RNF111: variants seen among roughly 807,000 people sequenced by gnomAD.
The protein encoded by RNF111 is E3 ubiquitin-protein ligase Arkadia.
RNF111 carries 17 observed loss-of-function variants against 95.1 expected under a neutral mutation model. The ratio of observed to expected loss-of-function variants is 0.18; its 90% CI spans 0.12 to 0.27. The LOEUF (loss-of-function observed/expected upper bound fraction) is 0.27, where lower values mean the gene tolerates loss of function less well. Among genes scored for constraint, RNF111 ranks in the 10% least tolerant of loss-of-function variants. RNF111 has a pLI of 1.00. For missense variants in RNF111, 1,189 were observed against 1,210.4 expected (o/e 0.98, Z 0.26); for synonymous variants, 440 against 414.8 (o/e 1.06, Z -0.74).
At chr15:58,999,487 C>T (rs2039231597) in intron 1 of RNF111, among the ~76,000 whole-genome samples, 1 of 151,904 alleles carries the variant, frequency 6.6e-6, no homozygotes, top group Admixed American at 6.6e-5. Context: ...AGGCATGCAC[C>T]ATCACACCCG....
At chr15:59,040,087 C>A (rs1025749543) in intron 2 of RNF111, among the ~76,000 whole-genome samples, 7 of 151,870 alleles carry the variant, frequency 4.6e-5, no homozygotes, top group Admixed American at 3.9e-4. Context: ...TGCTGGGTTG[C>A]CAATGCTTTT....
At chr15:59,074,462 C>T (rs1246647171) in intron 6 of RNF111, among the ~76,000 whole-genome samples, 1 of 152,232 alleles carries the variant, frequency 6.6e-6, no homozygotes, top group African/African-American at 2.4e-5. Context: ...CTTGCTGCTT[C>T]TCCTTGCACT....
At chr15:59,043,058 G>A (rs561800149) in intron 2 of RNF111, among the ~76,000 whole-genome samples, 1 of 151,744 alleles carries the variant, frequency 6.6e-6, no homozygotes, top group African/African-American at 2.4e-5. Context: ...TGCAGAGAGC[G>A]TTTTATGTTC....
chr15:59,033,811 C>T (rs985809026), intron 2 of RNF111, among the ~76,000 whole-genome samples: 3 of 151,896 alleles, frequency 2.0e-5, no homozygotes, highest in East Asian at 1.9e-4. Context: ...GGCAGAATTA[C>T]GTTATTTTTA....
At chr15:59,071,730 C>G (rs1283297522) in intron 6 of RNF111, among the ~76,000 whole-genome samples, 1 of 151,792 alleles carries the variant, frequency 6.6e-6, no homozygotes, top group Non-Finnish European at 1.5e-5. Flanking sequence ...GAAAATATTA[C>G]TGATGAGTGG....
chr15:59,080,869 G>A (rs1596297396), intron 7 of RNF111, 67 bp from the exon 8 acceptor site: 3 of 1,202,706 alleles, frequency 2.5e-6, no homozygotes, highest in African/African-American at 3.0e-5. Context: ...CACTAGGAAT[G>A]TATAATAGCA....
At chr15:59,066,678 C>T (rs1042197699) in intron 5 of RNF111, 86 bp from the exon 6 acceptor site, 3 of 1,027,872 alleles carry the variant, frequency 2.9e-6, no homozygotes, top group African/African-American at 1.6e-5. Context: ...TTTCTTTAAA[C>T]ATTTATTATT....
At chr15:58,994,914 A>G (rs1295639203) in intron 1 of RNF111, among the ~76,000 whole-genome samples, 1 of 152,234 alleles carries the variant, frequency 6.6e-6, no homozygotes, top group Non-Finnish European at 1.5e-5. Flanking sequence ...AGAAAATTAA[A>G]CTTTGATAAT....
At chr15:59,029,155 T>C (rs527594483) in intron 1 of RNF111, among the ~76,000 whole-genome samples, 1 of 152,300 alleles carries the variant, frequency 6.6e-6, no homozygotes, top group African/African-American at 2.4e-5. Flanking sequence ...ATCAGCAATA[T>C]ATGAGGGTTC....
At chr15:59,019,288 G>A (rs1226411054) in intron 1 of RNF111, among the ~76,000 whole-genome samples, 1 of 151,932 alleles carries the variant, frequency 6.6e-6, no homozygotes, top group African/African-American at 2.4e-5. Context: ...AAAATAATGA[G>A]AAAATGCAAA....
At chr15:59,000,121 T>C (rs984591437) in intron 1 of RNF111, among the ~76,000 whole-genome samples, 4 of 151,560 alleles carry the variant, frequency 2.6e-5, no homozygotes, top group Non-Finnish European at 4.4e-5. Context: ...ATAACCCATA[T>C]AATAAAAGCT....
chr15:59,019,357 G>T (rs553377605), intron 1 of RNF111, among the ~76,000 whole-genome samples: 6 of 152,164 alleles, frequency 3.9e-5, no homozygotes, highest in Non-Finnish European at 8.8e-5. Flanking sequence ...AAAAAATACA[G>T]TGTTTTTAAA....
At chr15:59,071,397 G>A (rs1345994255) in intron 6 of RNF111, among the ~76,000 whole-genome samples, 2 of 151,912 alleles carry the variant, frequency 1.3e-5, no homozygotes, top group Non-Finnish European at 2.9e-5. Context: ...AGATGCTTTT[G>A]GAAGGCAGTG....
Position 59,084,148 on chromosome 15 carries a change from C to T in RNF111, c.2317C>T (p.Pro773Ser). The change falls in exon 9 of 14, where the codon CCA becomes TCA. Residue 773 changes from proline (P) to serine (S), a missense_variant. Physicochemically the swap from Pro to Ser is moderately conservative, Grantham distance 74. Transcript: ENST00000348370. Reference sequence around the variant, plus strand: ...TTCCAGGCGGGCACATGAACGCCCCCCACCCCATCCACATAGGATGCACCC... The same window carrying T: ...TTCCAGGCGGGCACATGAACGCCCCTCACCCCATCCACATAGGATGCACCC... ...QHPTRAHERP[P>S]PHPHRMHPNY... 1 of 1,607,782 alleles carries T rather than the reference C, an allele frequency of 6.2e-7. No individual in the cohort carries two copies. Among genetic ancestry groups the T allele is most frequent in the Non-Finnish European group, 8.5e-7 (1 of 1,177,166 alleles).
intron 2 of RNF111, chr15:59,050,166 G>A (rs7171252): frequency 0.024 from 3,632 of 152,132 alleles, 50 homozygotes; most frequent in African/African-American, 0.038. Context: ...CTGAGTTCCA[G>A]CGATTTTCCT....
intron 1 of RNF111, among the ~76,000 whole-genome samples, chr15:59,004,363 G>A (rs1193970561): frequency 6.6e-6 from 1 of 152,172 alleles, no homozygotes; most frequent in Non-Finnish European, 1.5e-5. Context: ...AGGTAAATGT[G>A]TGTAGATGAG....
At chr15:59,056,056 A>G (rs542505850) in intron 4 of RNF111, among the ~76,000 whole-genome samples, 1 of 152,072 alleles carries the variant, frequency 6.6e-6, no homozygotes, top group Non-Finnish European at 1.5e-5. Flanking sequence ...CTTGATAGCT[A>G]TTTTCTCAGG....
Position 59,031,471 on chromosome 15 carries a change from G to C in RNF111, c.649G>C (p.Val217Leu), listed in dbSNP as rs757673429. 6.2e-7 allele frequency: 1 copy of C among 1,614,164 alleles called. No individual in the cohort carries two copies. The highest frequency in any genetic ancestry group is 8.5e-7 in the Non-Finnish European group (1 of 1,180,034). Residue 217 changes from valine to leucine, a missense_variant, in exon 2 of 14, where the codon GTA (valine) becomes CTA (leucine). Val to Leu is a conservative substitution (Grantham distance 32). This residue lies in a region of RNF111 where 1,024 missense variants were observed against 925.9 expected (regional missense o/e 1.11). Transcript: ENST00000348370. ...GAGACTTCCATGCAGAAAGAGATTTGTAAAAAATAATTCCTCACAGAGGAC... is the reference window on the plus strand; with the variant it reads ...GAGACTTCCATGCAGAAAGAGATTTCTAAAAAATAATTCCTCACAGAGGAC... ...LRRLPCRKRF[V>L]KNNSSQRTQK...
chr15:59,007,284 A>C (rs1231360623), intron 1 of RNF111, among the ~76,000 whole-genome samples: 1 of 136,196 alleles, frequency 7.3e-6, no homozygotes, highest in Admixed American at 7.2e-5. Context: ...TTTTTTTTTT[A>C]CTTTAGGTTA....
Sources: allele counts gnomAD v4.1 joint callset (sites outside exome capture counted in the v4.1 genomes callset), GRCh38; gene constraint gnomAD v4.1.1; regional missense constraint gnomAD v4.1.1; transcripts MANE v1.5; gene names NCBI Gene and HGNC (gene_info 2026-07-23, HGNC 2026-07-21).